The following AHCTF1 variants were observed in gnomAD, a reference collection of about 807,000 sequenced individuals.
AHCTF1 encodes protein ELYS.
In AHCTF1, 24 loss-of-function variants were observed where a neutral mutation model predicts 248.4. The observed-to-expected ratio is 0.10, with a 90% CI of 0.07 to 0.14. The LOEUF (loss-of-function observed/expected upper bound fraction) is 0.14. AHCTF1 is among the 10% of genes least tolerant of loss of function. AHCTF1 has a pLI of 1.00. For synonymous variants in AHCTF1, 786 were observed against 929.8 expected (o/e 0.85, Z 2.81); for missense variants, 2,206 against 2,636.2 (o/e 0.84, Z 3.57).
intron 32 of AHCTF1, among the ~76,000 whole-genome samples, chr1:246,852,379 G>T (rs939868821): frequency 3.2e-5 from 3 of 94,152 alleles, no homozygotes; most frequent in Non-Finnish European, 4.9e-5. Flanking sequence ...AGAAGAGTTG[G>T]TTTTTTATCC....
chr1:246,885,850 G>T (rs1359996398), intron 20 of AHCTF1, among the ~76,000 whole-genome samples, 170 bp from the exon 21 acceptor site: 1 of 152,146 alleles, frequency 6.6e-6, no homozygotes, highest in Non-Finnish European at 1.5e-5. Flanking sequence ...AGTATCTACA[G>T]GATCCATATC....
At chr1:246,869,824 A>G (rs4971289) in intron 24 of AHCTF1, among the ~76,000 whole-genome samples, 36,727 of 152,150 alleles carry the variant, frequency 0.24, 4,583 homozygotes, top group African/African-American at 0.29. Flanking sequence ...ATGAAAACAC[A>G]ACATCCATTC....
intron 33 of AHCTF1, among the ~76,000 whole-genome samples, chr1:246,847,289 CA>C (rs573947202): frequency 5.1e-5 from 5 of 98,740 alleles, no homozygotes; most frequent in Non-Finnish European, 5.7e-5. Flanking sequence ...AACTCCATCT[CA>C]AAAAAAAAAA....
intron 28 of AHCTF1, 76 bp from the exon 29 acceptor site, chr1:246,861,371 A>C (rs936022970): frequency 7.9e-7 from 1 of 1,258,074 alleles, no homozygotes; most frequent in African/African-American, 1.5e-5. Flanking sequence ...ACCCATCCCA[A>C]TCATACCCAT....
intron 24 of AHCTF1, among the ~76,000 whole-genome samples, chr1:246,873,469 C>T (rs2103098146): frequency 6.6e-6 from 1 of 152,098 alleles, no homozygotes; most frequent in East Asian, 1.9e-4. Context: ...GGGAAAGAAT[C>T]CGTCCCAATA....
At chr1:246,865,955 AT>A (rs550141534) in intron 26 of AHCTF1, among the ~76,000 whole-genome samples, 239 of 151,580 alleles carry the variant, frequency 1.6e-3, no homozygotes, top group Non-Finnish European at 2.3e-3. Context: ...GTTAGAGCTA[AT>A]TTTTTTTTAC....
chr1:246,880,494 G>A (rs1470570155), intron 21 of AHCTF1, among the ~76,000 whole-genome samples: 1 of 150,710 alleles, frequency 6.6e-6, no homozygotes, highest in Non-Finnish European at 1.5e-5. Context: ...AACCCGGGAG[G>A]TGGAGGTTAC....
rs187566134 is a variant in AHCTF1, at chr1:246,868,499, C to T, written c.3089-688G>A. On this transcript the variant is annotated intron_variant, in intron 24 of 35. Coordinates refer to ENST00000648844, the MANE Select transcript of AHCTF1 (RefSeq NM_001323342.2). ...CAAACTCCGGGCCTCAAGTGATCCT[C>T]CCTCCTCGGCCTCTCAAAGTGCTGG... Among the ~76,000 whole-genome samples, 5 of 152,060 alleles carry T rather than the reference C, an allele frequency of 3.3e-5. No homozygotes were observed. In the East Asian group the frequency reaches 7.7e-4, roughly 24 times the overall value.
Position 246,855,813 on chromosome 1 carries a change from T to C in AHCTF1, c.4271A>G (p.Gln1424Arg), listed in dbSNP as rs1285536718. Residue 1424 changes from glutamine (Q) to arginine (R), a missense_variant, in exon 31 of 36, where the codon CAG (glutamine) becomes CGG (arginine). Gln to Arg is a conservative substitution (Grantham distance 43). Around this residue, in one of 6 missense-constraint regions of AHCTF1, gnomAD observed 955 missense variants for 1,055.6 expected, o/e 0.90. Transcript: ENST00000648844. ...PSVYEGKIFT[Q>R]KSKVPVLDEG... ...GTCCAACACTGGTACCTTGGACTTCTGGGTGAAGATTTTCCTTTAGAAAAA... is the reference window on the plus strand; with the variant it reads ...GTCCAACACTGGTACCTTGGACTTCCGGGTGAAGATTTTCCTTTAGAAAAA... 1.9e-6 allele frequency: 3 copies of C among 1,612,944 alleles called. No individual in the cohort carries two copies. The highest frequency in any genetic ancestry group is 2.5e-6 in the Non-Finnish European group (3 of 1,179,492).
intron 3 of AHCTF1, among the ~76,000 whole-genome samples, chr1:246,914,595 C>T (rs763472697): frequency 2.0e-5 from 3 of 152,170 alleles, no homozygotes; most frequent in Non-Finnish European, 4.4e-5. Flanking sequence ...TCTAAGTTTA[C>T]ATTCCTCATA....
chr1:246,921,067 G>A (rs772161616), intron 1 of AHCTF1, among the ~76,000 whole-genome samples: 7 of 152,064 alleles, frequency 4.6e-5, no homozygotes, highest in Non-Finnish European at 8.8e-5. Flanking sequence ...ACTCCAGCCT[G>A]GGCAACAAGA....
chr1:246,868,768 T>TA (rs1558231034), intron 24 of AHCTF1, among the ~76,000 whole-genome samples: 2 of 150,774 alleles, frequency 1.3e-5, no homozygotes, highest in South Asian at 2.1e-4. Context: ...GAGCAGCCAA[T>TA]AAAAAAGTAC....
At chr1:246,926,046 T>TAAAAAAA (rs35982364) in intron 1 of AHCTF1, among the ~76,000 whole-genome samples, 1 of 121,268 alleles carries the variant, frequency 8.2e-6, no homozygotes, top group Non-Finnish European at 1.7e-5. Flanking sequence ...ACCCTGTCTT[T>TAAAAAAA]AAAAAAAAAA....
In AHCTF1 at chr1:246,875,533, T is replaced by C. The variant is rs113507273; in HGVS notation, c.3088+504A>G. ...GTTCTATGGCTAAAATGCTATCAAA[T>C]GGTATCACATGCTACAGAGAAACTC... On this transcript the variant is annotated intron_variant, in intron 24 of 35. Transcript: ENST00000648844. 4.5e-3 allele frequency among the ~76,000 whole-genome samples: 685 copies of C among 152,280 alleles called. 2 individuals are homozygous for C. The highest frequency in any genetic ancestry group is 0.015 in the African/African-American group (644 of 41,558).
intron 33 of AHCTF1, among the ~76,000 whole-genome samples, chr1:246,848,480 C>T (rs1392744657): frequency 2.6e-5 from 4 of 151,506 alleles, no homozygotes; most frequent in Non-Finnish European, 4.4e-5. Context: ...GGATTACAGG[C>T]GTGAGCCACC....
rs566814455 is a variant in AHCTF1, at chr1:246,869,258, G to A, written c.3089-1447C>T. On this transcript the variant is annotated intron_variant, in intron 24 of 35. Coordinates refer to ENST00000648844, the MANE Select transcript of AHCTF1 (RefSeq NM_001323342.2). Reference sequence around the variant, plus strand: ...TACTCCACTGACTAACTGTTCCCCCGCGTCTCTCCCTTTCCCCGAGGACCT... The same window carrying A: ...TACTCCACTGACTAACTGTTCCCCCACGTCTCTCCCTTTCCCCGAGGACCT... Among the ~76,000 whole-genome samples, 71 of 152,020 alleles carry A rather than the reference G, an allele frequency of 4.7e-4. 1 individual carries two copies. Among genetic ancestry groups the A allele is most frequent in the Admixed American group, 1.6e-3 (25 of 15,280 alleles).
intron 1 of AHCTF1, chr1:246,931,027 G>A (rs1667312345): frequency 2.8e-6 from 4 of 1,447,752 alleles, no homozygotes; most frequent in African/African-American, 2.9e-5. Flanking sequence ...AGCACCCCAA[G>A]ATGTGCTTTT....
chr1:246,905,270 C>T lies in AHCTF1; in HGVS notation c.881+271G>A, dbSNP rs184401387. On this transcript the variant is annotated intron_variant, in intron 6 of 35. Coordinates refer to ENST00000648844, the MANE Select transcript of AHCTF1 (RefSeq NM_001323342.2). ...ATCCCAGCACTTTGGGAGGCTGAGG[C>T]GGGCAGATCATGAGGTCAGGAGTTC... 1.1e-3 allele frequency among the ~76,000 whole-genome samples: 163 copies of T among 152,162 alleles called. 3 individuals are homozygous for T. Among genetic ancestry groups the T allele is most frequent in the Admixed American group, 6.2e-3 (94 of 15,274 alleles).
chr1:246,915,372 C>T (rs1437997976), intron 3 of AHCTF1, among the ~76,000 whole-genome samples: 1 of 152,012 alleles, frequency 6.6e-6, no homozygotes, highest in Non-Finnish European at 1.5e-5. Flanking sequence ...CAAAGGAGCC[C>T]CTCATTACAA....
Sources: allele counts gnomAD v4.1 joint callset (sites outside exome capture counted in the v4.1 genomes callset), GRCh38; gene constraint gnomAD v4.1.1; regional missense constraint gnomAD v4.1.1; transcripts MANE v1.5; gene names NCBI Gene and HGNC (gene_info 2026-07-23, HGNC 2026-07-21).